The following PTPRU variants were observed in gnomAD, a reference collection of about 807,000 sequenced individuals.
PTPRU encodes the protein receptor-type tyrosine-protein phosphatase U.
In PTPRU, 69 loss-of-function variants were observed where a neutral mutation model predicts 166.3. That is an observed-to-expected ratio of 0.41 (90% CI 0.34 to 0.51). The LOEUF (loss-of-function observed/expected upper bound fraction) is 0.51, where lower values mean the gene tolerates loss of function less well. Ranked by LOEUF, PTPRU falls within the 20% of genes least tolerant of loss-of-function variation. The probability of loss-of-function intolerance (pLI) is 0.09; values close to 1 mark genes in which losing one functional copy is unlikely to be tolerated. For missense variants in PTPRU, 1,657 were observed against 2,013.7 expected (o/e 0.82, Z 3.39); for synonymous variants, 793 against 814.0 (o/e 0.97, Z 0.44).
intron 1 of PTPRU, among the ~76,000 whole-genome samples, chr1:29,253,526 A>G (rs1439899662): frequency 6.6e-6 from 1 of 152,158 alleles, no homozygotes; most frequent in African/African-American, 2.4e-5. Context: ...AGTGTCCAAC[A>G]TTATAACATA....
At chr1:29,295,315 G>T (rs1686832648) in intron 15 of PTPRU, among the ~76,000 whole-genome samples, 1 of 152,172 alleles carries the variant, frequency 6.6e-6, no homozygotes, top group African/African-American at 2.4e-5. Flanking sequence ...AAAGTGTTGG[G>T]ATTACAGGCA....
At chr1:29,304,727 A>G in intron 16 of PTPRU, 47 bp from the exon 17 acceptor site, 2 of 1,418,064 alleles carry the variant, frequency 1.4e-6, no homozygotes, top group Non-Finnish European at 2.0e-6. Context: ...AGGGGCCCTC[A>G]GTGAGGGTCC....
At chr1:29,304,664 C>A in intron 16 of PTPRU, 110 bp from the exon 17 acceptor site, 2 of 735,806 alleles carry the variant, frequency 2.7e-6, no homozygotes, top group South Asian at 2.5e-5. Context: ...CAGCTTGAAT[C>A]TGGCCCTTAT....
rs1217549797 is a variant in PTPRU at position 29,238,261 on chromosome 1, A to C, written c.73+1544A>C. 1.3e-5 allele frequency among the ~76,000 whole-genome samples: 2 copies of C among 150,796 alleles called. No homozygotes were observed. The highest frequency in any genetic ancestry group is 3.0e-5 in the Non-Finnish European group (2 of 67,664). ...CGTCGGAGTGTGGACGGTGTGTCGG[A>C]TGTGTGTGCGTGCGCGTGTTCCACA... On this transcript the variant is annotated intron_variant, in intron 1 of 29. Transcript: ENST00000373779. The surrounding 1 kb of genome is among the most constrained non-coding windows in gnomAD (Gnocchi z 6.1).
rs1687659468 is a variant in PTPRU, at chr1:29,311,550, C to T, written c.2952C>T (p.Gly984=). ...IVMITKLVEV[G]RVKCSRYWPE... ...TGATCACCAAGCTGGTCGAGGTGGGCAGGGTAAGCCGGGCTGTGGGGCGAG... is the reference window on the plus strand; with the variant it reads ...TGATCACCAAGCTGGTCGAGGTGGGTAGGGTAAGCCGGGCTGTGGGGCGAG... The change falls in exon 20 of 30, where the codon GGC becomes GGT. Residue 984 remains glycine, a synonymous_variant. Transcript: ENST00000373779. This position sits in a 1 kb window ranked among gnomAD's most constrained non-coding sequence, Gnocchi z 4.1. The T allele has an allele frequency of 6.2e-7, 1 of 1,614,158 alleles. No individual in the cohort carries two copies. Among genetic ancestry groups the T allele is most frequent in the South Asian group, 1.1e-5 (1 of 91,082 alleles).
chr1:29,242,683 G>C (rs975515086), intron 1 of PTPRU, among the ~76,000 whole-genome samples: 2 of 152,170 alleles, frequency 1.3e-5, no homozygotes, highest in African/African-American at 4.8e-5. Context: ...AGACAGCACT[G>C]GTCTAGAGGC....
At chr1:29,255,493 T>C in intron 2 of PTPRU, 87 bp downstream of exon 2, 2 of 1,549,410 alleles carry the variant, frequency 1.3e-6, no homozygotes, top group Non-Finnish European at 1.8e-6. Flanking sequence ...GGCACATTAC[T>C]TAACCTCTCT....
At position 29,325,226 on chromosome 1, in the gene PTPRU, G is replaced by A; in HGVS notation, c.4148G>A (p.Cys1383Tyr). Residue 1383 changes from cysteine to tyrosine, a missense_variant, in exon 29 of 30, where the codon TGC becomes TAC. This residue lies in a region of PTPRU where 1,190 missense variants were observed against 1,477.4 expected (regional missense o/e 0.81). Transcript: ENST00000373779. Reference sequence around the variant, plus strand: ...GGACGCAGCGGCACCTTCTGCGCCTGCGCCACGGTCCTGGAGATGATCCGC... The same window carrying A: ...GGACGCAGCGGCACCTTCTGCGCCTACGCCACGGTCCTGGAGATGATCCGC... ...GGGRSGTFCACATVLEMIRCH... is the reference protein window; with the variant it reads ...GGGRSGTFCAYATVLEMIRCH... 6.2e-7 allele frequency: 1 copy of A among 1,614,216 alleles called. No individual in the cohort carries two copies. Among genetic ancestry groups the A allele is most frequent in the Non-Finnish European group, 8.5e-7 (1 of 1,180,040 alleles).
intron 18 of PTPRU, among the ~76,000 whole-genome samples, chr1:29,306,513 G>A (rs1223071553): frequency 6.6e-6 from 1 of 152,210 alleles, no homozygotes; most frequent in Non-Finnish European, 1.5e-5. Flanking sequence ...ATGAGCAAGT[G>A]CAGGCCAGGA....
intron 15 of PTPRU, among the ~76,000 whole-genome samples, chr1:29,301,040 T>C (rs1687109779): frequency 6.6e-6 from 1 of 152,120 alleles, no homozygotes; most frequent in African/African-American, 2.4e-5. Flanking sequence ...GGACAGCATA[T>C]GTGAAGGCAC....
At position 29,305,378 on chromosome 1, in the gene PTPRU, C is replaced by T. The variant is rs200655838; in HGVS notation, c.2770C>T (p.Pro924Ser). Residue 924 changes from proline (P) to serine (S), a missense_variant, in exon 18 of 30, where the codon CCG (proline) becomes TCG (serine). Transcript: ENST00000373779. ...TGATCGGCACCGAGTGAAACTGCACCCGATGCTGGGAGACCCCAATGCCGA... is the reference window on the plus strand; with the variant it reads ...TGATCGGCACCGAGTGAAACTGCACTCGATGCTGGGAGACCCCAATGCCGA... ...AYDRHRVKLH[P>S]MLGDPNADYI... is the part of the protein sequence containing the mutation. The T allele has an allele frequency of 6.2e-7, 1 of 1,613,992 alleles. No individual in the cohort carries two copies. Among genetic ancestry groups the T allele is most frequent in the East Asian group, 2.2e-5 (1 of 44,880 alleles).
chr1:29,309,317 C>G (rs1200125726), intron 18 of PTPRU, among the ~76,000 whole-genome samples: 1 of 152,028 alleles, frequency 6.6e-6, no homozygotes, highest in Non-Finnish European at 1.5e-5. Context: ...TTAACAAGAT[C>G]CCCCGGGAGA....
chr1:29,283,610 C>A (rs916736719), intron 12 of PTPRU: 1 of 389,902 alleles, frequency 2.6e-6, no homozygotes, highest in Non-Finnish European at 4.6e-6. Flanking sequence ...CTGCTTCTTG[C>A]CTGGTTTCTT....
intron 13 of PTPRU, 120 bp from the exon 14 acceptor site, chr1:29,284,611 C>A: frequency 1.5e-6 from 2 of 1,379,078 alleles, no homozygotes; most frequent in Non-Finnish European, 1.0e-6. Flanking sequence ...GCAGGACACA[C>A]ATTGAGGATG....
intron 15 of PTPRU, among the ~76,000 whole-genome samples, chr1:29,298,031 G>T: frequency 6.6e-6 from 1 of 152,198 alleles, no homozygotes. Flanking sequence ...GCAGAGGCAG[G>T]CAGATTGCTT....
chr1:29,250,156 AC>A (rs1684486367), intron 1 of PTPRU, among the ~76,000 whole-genome samples: 1 of 149,718 alleles, frequency 6.7e-6, no homozygotes, highest in African/African-American at 2.5e-5. Flanking sequence ...CCTCCCCTGG[AC>A]CCCCTCTTGT....
In PTPRU at chr1:29,304,796, C is replaced by T. The variant is rs1687306092; in HGVS notation, c.2690C>T (p.Ala897Val). ...TAGAGCTTCTTTGAAGGCTGGGACG[C>T]CACAAAGAAGAAAGACAAGGTCAAG... Reference protein sequence around the residue: ...EYESFFEGWDATKKKDKVKGS... With the variant: ...EYESFFEGWDVTKKKDKVKGS... The change falls in exon 17 of 30, where the codon GCC becomes GTC. Residue 897 changes from alanine to valine, a missense_variant. Coordinates refer to ENST00000373779, the MANE Select transcript of PTPRU (RefSeq NM_133178.4). The T allele has an allele frequency of 6.2e-7, 1 of 1,612,364 alleles. No homozygotes were observed. Among genetic ancestry groups the T allele is most frequent in the Non-Finnish European group, 8.5e-7 (1 of 1,178,782 alleles).
intron 28 of PTPRU, among the ~76,000 whole-genome samples, chr1:29,324,949 G>A (rs1688337555): frequency 6.7e-6 from 1 of 148,380 alleles, no homozygotes; most frequent in Non-Finnish European, 1.5e-5. Context: ...TCATCTCTGG[G>A]CTCTTTGGCC....
chr1:29,310,291 C>T (rs1202291287), intron 18 of PTPRU, among the ~76,000 whole-genome samples: 1 of 152,150 alleles, frequency 6.6e-6, no homozygotes, highest in Non-Finnish European at 1.5e-5. Context: ...ACTGTCCATT[C>T]TGGTTATCCC....
Sources: allele counts gnomAD v4.1 joint callset (sites outside exome capture counted in the v4.1 genomes callset), GRCh38; gene constraint gnomAD v4.1.1; regional missense constraint gnomAD v4.1.1; non-coding constraint Gnocchi (gnomAD v3.1); transcripts MANE v1.5; gene names NCBI Gene and HGNC (gene_info 2026-07-23, HGNC 2026-07-21).